Variants in AKAP3 observed in about 807,000 individuals in gnomAD.
AKAP3 encodes A-kinase anchoring protein 3.
AKAP3 carries 27 observed loss-of-function variants against 57.2 expected under a neutral mutation model. The ratio of observed to expected loss-of-function variants is 0.47; its 90% CI spans 0.35 to 0.65. AKAP3 has a LOEUF of 0.65. AKAP3 is among the 30% of genes least tolerant of loss of function. The probability of loss-of-function intolerance (pLI) is 0.01; values close to 1 mark genes in which losing one functional copy is unlikely to be tolerated. For synonymous variants in AKAP3, 334 were observed against 392.3 expected (o/e 0.85, Z 1.76); for missense variants, 959 against 1,040.0 (o/e 0.92, Z 1.07).
At chr12:4,633,935 A>G (rs1945532274) in intron 4 of AKAP3, among the ~76,000 whole-genome samples, 1 of 151,154 alleles carries the variant, frequency 6.6e-6, no homozygotes, top group East Asian at 2.0e-4. Context: ...TTAGTCCAAC[A>G]GTTATTCAGA....
chr12:4,632,346 T>G (rs1454841225), intron 4 of AKAP3, among the ~76,000 whole-genome samples: 1 of 152,236 alleles, frequency 6.6e-6, no homozygotes, highest in Admixed American at 6.5e-5. Flanking sequence ...TCTACTCATC[T>G]GCGTTTCAGC....
chr12:4,624,824 G>GTGTGTGTGTGTGTGTATGTATATATA (rs143324716), intron 5 of AKAP3, among the ~76,000 whole-genome samples: 1 of 140,996 alleles, frequency 7.1e-6, no homozygotes, highest in African/African-American at 2.6e-5. Flanking sequence ...GTGTGTGTGT[G>GTGTGTGTGTGTGTGTATGTATATATA]TATATAAAAG....
intron 4 of AKAP3, among the ~76,000 whole-genome samples, chr12:4,633,729 A>G (rs12310639): frequency 0.37 from 44,517 of 119,134 alleles, 6,992 homozygotes; most frequent in Middle Eastern, 0.49. Context: ...TCTGCTCAGC[A>G]TCTTTTGCTT....
intron 4 of AKAP3, among the ~76,000 whole-genome samples, chr12:4,633,749 T>TTTTTTTTTTTTTTTTTTTTTTTTATTG (rs1555129118): frequency 6.7e-6 from 1 of 149,682 alleles, no homozygotes; most frequent in African/African-American, 2.5e-5. Context: ...TCAGTAGTTT[T>TTTTTTTTTTTTTTTTTTTTTTTTATTG]AAGTCAGCTA....
At chr12:4,636,514 T>A (rs183115141) in intron 4 of AKAP3, among the ~76,000 whole-genome samples, 24 of 152,396 alleles carry the variant, frequency 1.6e-4, no homozygotes, top group Non-Finnish European at 2.9e-4. Flanking sequence ...TTGAAACTGA[T>A]CTGCCTTTTG....
chr12:4,630,011 G>A lies in AKAP3; in HGVS notation c.97-1206C>T, dbSNP rs1945477767. Among the ~76,000 whole-genome samples the A allele has an allele frequency of 2.6e-5, 4 of 152,108 alleles. No homozygotes were observed. The South Asian group carries it at 8.3e-4, about 32-fold the overall frequency. ...TTGTAAATTGTACAATCTGCATGTG[G>A]GAAAAACTCTGAAACACAGGATAAA... On this transcript the variant is annotated intron_variant, in intron 4 of 5. Transcript: ENST00000228850.
In AKAP3 at chr12:4,628,506, C is replaced by T. The variant is rs751629850; in HGVS notation, c.396G>A (p.Thr132=). 16 of 1,614,218 alleles carry T rather than the reference C, an allele frequency of 9.9e-6. No individual in the cohort carries two copies. In the East Asian group the frequency reaches 1.1e-4, roughly 11 times the overall value. The part of the protein sequence containing the change: ...DEVSFYANRL[T]NLVIAMARKE... ...TGCGGGCCATGGCTATGACTAGATTCGTGAGGCGGTTAGCATAGAAGGAAA... is the reference window on the plus strand; with the variant it reads ...TGCGGGCCATGGCTATGACTAGATTTGTGAGGCGGTTAGCATAGAAGGAAA... Residue 132 remains threonine (T), a synonymous_variant, in exon 5 of 6, where the codon ACG becomes ACA. Transcript: ENST00000228850.
rs1345037350 is a variant in AKAP3, at chr12:4,628,460, C to T, written c.442G>A (p.Asp148Asn). 1.5e-5 allele frequency: 25 copies of T among 1,614,026 alleles called. No individual in the cohort carries two copies. The highest frequency in any genetic ancestry group is 2.0e-5 in the Non-Finnish European group (24 of 1,180,034). ...MARKEINEKIDGSENKCVYQS... is the reference protein window; with the variant it reads ...MARKEINEKINGSENKCVYQS... The stretch of plus-strand genomic sequence containing the variant: ...TAGACACATTTGTTTTCAGAGCCAT[C>T]GATCTTCTCATTGATCTCTTTGCGG... Residue 148 changes from aspartate to asparagine, a missense_variant, in exon 5 of 6, where the codon GAT becomes AAT. Asp to Asn is a conservative substitution (Grantham distance 23). Coordinates refer to ENST00000228850, the MANE Select transcript of AKAP3 (RefSeq NM_001278309.2).
chr12:4,633,401 A>G (rs1391795067), intron 4 of AKAP3, among the ~76,000 whole-genome samples: 1 of 152,204 alleles, frequency 6.6e-6, no homozygotes, highest in African/African-American at 2.4e-5. Context: ...ATGTCTATAT[A>G]TTTTTAAACC....
chr12:4,618,524 AG>A (rs1945311830), intron 5 of AKAP3, among the ~76,000 whole-genome samples: 1 of 152,244 alleles, frequency 6.6e-6, no homozygotes, highest in Non-Finnish European at 1.5e-5. Context: ...GGCAAAAACA[AG>A]GAGAAAATCT....
At chr12:4,619,461 GT>G (rs1945321223) in intron 5 of AKAP3, among the ~76,000 whole-genome samples, 1 of 152,056 alleles carries the variant, frequency 6.6e-6, no homozygotes, top group Non-Finnish European at 1.5e-5. Context: ...GGAGGCTGAG[GT>G]GGGAGGATCG....
intron 3 of AKAP3, among the ~76,000 whole-genome samples, chr12:4,638,980 C>T (rs775768424): frequency 6.6e-6 from 1 of 152,224 alleles, no homozygotes; most frequent in African/African-American, 2.4e-5. Context: ...TCTTCTTCCA[C>T]CCCAAGCTTC....
chr12:4,639,295 A>G (rs1945605790), intron 3 of AKAP3, among the ~76,000 whole-genome samples: 1 of 152,082 alleles, frequency 6.6e-6, no homozygotes, highest in Non-Finnish European at 1.5e-5. Context: ...CCAGGCTTTC[A>G]CACTGAAGTT....
chr12:4,615,849 C>T lies in AKAP3; in HGVS notation c.2452G>A (p.Gly818Ser). The T allele has an allele frequency of 6.2e-7, 1 of 1,614,210 alleles. No homozygotes were observed. Among genetic ancestry groups the T allele is most frequent in the Non-Finnish European group, 8.5e-7 (1 of 1,180,042 alleles). Residue 818 changes from glycine to serine, a missense_variant, in exon 6 of 6, where the codon GGC becomes AGC. Physicochemically the swap from Gly to Ser is moderately conservative, Grantham distance 56. Coordinates refer to ENST00000228850, the MANE Select transcript of AKAP3 (RefSeq NM_001278309.2). ...CGCAGCACCGACTGCAGAACCTCGC[C>T]CACACTGCATCCTTTGTCCACAGCA... Reference protein sequence around the residue: ...AAAVDKGCSVGEVLQSVLRYE... With the variant: ...AAAVDKGCSVSEVLQSVLRYE...
intron 2 of AKAP3, among the ~76,000 whole-genome samples, chr12:4,644,127 G>A (rs1945669759): frequency 6.6e-6 from 1 of 152,282 alleles, no homozygotes; most frequent in South Asian, 2.1e-4. Context: ...GTGTGTGTGT[G>A]TGTCTCAATG....
At chr12:4,642,052 C>T (rs898969127) in intron 2 of AKAP3, 48 bp from the exon 3 acceptor site, 9 of 152,098 alleles carry the variant, frequency 5.9e-5, no homozygotes, top group Admixed American at 4.6e-4. Context: ...ACAGATGGAA[C>T]GTATTGCTCT....
chr12:4,635,803 C>T lies in AKAP3; in HGVS notation c.96+2298G>A, dbSNP rs898483327. 132 of 695,642 alleles carry T rather than the reference C, an allele frequency of 1.9e-4. 1 individual carries two copies. In the African/African-American group the frequency reaches 2.0e-3, roughly 11 times the overall value. The allele number at this position is 695,642 out of a possible 1,614,324, so 43.1% of individuals were successfully genotyped here. ...ACTATACTGTAGTGTCATCAAGACACACATTTTGGGTTAGAAAATCAGCTG... is the reference window on the plus strand; with the variant it reads ...ACTATACTGTAGTGTCATCAAGACATACATTTTGGGTTAGAAAATCAGCTG... On this transcript the variant is annotated intron_variant, in intron 4 of 5. Coordinates refer to ENST00000228850, the MANE Select transcript of AKAP3 (RefSeq NM_001278309.2).
intron 4 of AKAP3, chr12:4,635,394 A>G (rs1565556966): frequency 1.4e-6 from 1 of 702,698 alleles, no homozygotes; most frequent in Non-Finnish European, 2.5e-6. Flanking sequence ...AGTAAGGGCT[A>G]CTCCTCTTTT....
rs1228800438 is a variant in AKAP3 at position 4,648,899 on chromosome 12, A to T, written c.-399T>A. On this transcript the variant is annotated 5_prime_UTR_variant, in exon 1 of 6. Coordinates refer to ENST00000228850, the MANE Select transcript of AKAP3 (RefSeq NM_001278309.2). ...GTTCCTCGGCAATTAGAGATTATAA[A>T]TAGCCTATACAGCCTATTCCAGATC... The T allele has an allele frequency of 1.8e-6, 1 of 549,908 alleles. No homozygotes were observed. Among genetic ancestry groups the T allele is most frequent in the African/African-American group, 1.9e-5 (1 of 52,230 alleles). The allele number at this position is 549,908 out of a possible 1,614,324, so 34.1% of individuals were successfully genotyped here.
Sources: gnomAD v4.1 joint callset for allele counts (sites outside exome capture counted in the v4.1 genomes callset) on GRCh38, gnomAD v4.1.1 for gene constraint, MANE v1.5 for transcripts, NCBI Gene and HGNC (gene_info 2026-07-23, HGNC 2026-07-21) for gene names.